PCDHA4: variants seen among roughly 807,000 people sequenced by gnomAD.
PCDHA4 encodes the protein protocadherin alpha 4.
Under a neutral mutation model 61.4 loss-of-function variants are expected in PCDHA4, and 49 were observed. That is an observed-to-expected ratio of 0.80 (90% CI 0.63 to 1.01). The LOEUF (loss-of-function observed/expected upper bound fraction) is 1.01. Ranked by LOEUF, PCDHA4 falls within the 50% of genes least tolerant of loss-of-function variation. PCDHA4 has a pLI of 0.00. For missense variants in PCDHA4, 1,254 were observed against 1,235.8 expected (o/e 1.01, Z -0.22); for synonymous variants, 590 against 550.3 (o/e 1.07, Z -1.01).
intron 1 of PCDHA4, chr5:140,829,518 C>T (rs782037599): frequency 1.9e-6 from 3 of 1,613,400 alleles, no homozygotes; most frequent in African/African-American, 2.7e-5. Flanking sequence ...CACATCTTCA[C>T]GGTGTCTGCG....
At chr5:140,963,517 T>C (rs2095769422) in intron 1 of PCDHA4, among the ~76,000 whole-genome samples, 1 of 152,238 alleles carries the variant, frequency 6.6e-6, no homozygotes, top group East Asian at 1.9e-4. Flanking sequence ...GGGGTTCTCA[T>C]AACAGAAGTC....
chr5:140,919,424 T>G (rs1222822099), intron 1 of PCDHA4, among the ~76,000 whole-genome samples: 7 of 152,218 alleles, frequency 4.6e-5, no homozygotes, highest in Non-Finnish European at 2.9e-5. Context: ...CAATTCTGCC[T>G]TTTGATTGGG....
At chr5:140,948,793 A>AT (rs1351130459) in intron 1 of PCDHA4, among the ~76,000 whole-genome samples, 1 of 150,328 alleles carries the variant, frequency 6.7e-6, no homozygotes, top group Non-Finnish European at 1.5e-5. Flanking sequence ...TTGTTGATAT[A>AT]TTTTCTATTG....
intron 1 of PCDHA4, chr5:140,884,452 C>G (rs1203873823): frequency 6.2e-7 from 1 of 1,613,664 alleles, no homozygotes; most frequent in African/African-American, 1.3e-5. Context: ...CACCGCCCAC[C>G]GAGGGCGCGT....
At chr5:140,967,681 G>A (rs367838143) in intron 1 of PCDHA4, 12 of 1,614,086 alleles carry the variant, frequency 7.4e-6, no homozygotes, top group Non-Finnish European at 9.3e-6. Flanking sequence ...ACCGGGAGAG[G>A]CAGCTCTTCA....
In PCDHA4 at chr5:141,000,054, A is replaced by G. The variant is rs189634054; in HGVS notation, c.2534-9573A>G. On this transcript the variant is annotated intron_variant, in intron 3 of 3. Coordinates refer to ENST00000530339, the MANE Select transcript of PCDHA4 (RefSeq NM_018907.4). ...CCAATCACACACACACCACTCTCCC[A>G]GCTGCTCTGTAGATCACAATGCTAG... Among the ~76,000 whole-genome samples the G allele has an allele frequency of 4.0e-3, 609 of 152,230 alleles. 3 individuals carry two copies. Among genetic ancestry groups the G allele is most frequent in the African/African-American group, 0.014 (564 of 41,556 alleles).
chr5:140,928,846 C>T, intron 1 of PCDHA4: 1 of 1,614,192 alleles, frequency 6.2e-7, no homozygotes, highest in Non-Finnish European at 8.5e-7. Context: ...CTCTGTCACT[C>T]TGGGTGTGCT....
intron 1 of PCDHA4, chr5:140,927,118 G>T (rs2083863389): frequency 6.2e-7 from 1 of 1,613,946 alleles, no homozygotes; most frequent in East Asian, 2.2e-5. Context: ...CGGCAATTTG[G>T]TGGTCAGAGA....
At chr5:140,880,496 A>G (rs965874952) in intron 1 of PCDHA4, among the ~76,000 whole-genome samples, 4 of 152,206 alleles carry the variant, frequency 2.6e-5, no homozygotes, top group African/African-American at 4.8e-5. Flanking sequence ...AGAGCAATTG[A>G]ATTTCTGTTT....
At chr5:140,992,517 G>C (rs78765218) in intron 3 of PCDHA4, among the ~76,000 whole-genome samples, 388 of 152,300 alleles carry the variant, frequency 2.5e-3, no homozygotes, top group African/African-American at 8.8e-3. Flanking sequence ...GGGCATGGTA[G>C]CTAATGGAAA....
intron 1 of PCDHA4, among the ~76,000 whole-genome samples, chr5:140,922,507 C>G (rs2080870221): frequency 1.3e-5 from 2 of 152,154 alleles, no homozygotes; most frequent in Non-Finnish European, 2.9e-5. Flanking sequence ...AGCAGATGCA[C>G]CATTATTTCA....
intron 1 of PCDHA4, chr5:140,882,142 G>T: frequency 1.3e-6 from 2 of 1,488,266 alleles, no homozygotes; most frequent in Non-Finnish European, 1.8e-6. Flanking sequence ...AGAAAATATA[G>T]CAGAAAGCGG....
intron 1 of PCDHA4, chr5:140,812,725 C>A (rs1158807394): frequency 2.6e-5 from 4 of 152,250 alleles, no homozygotes; most frequent in Admixed American, 6.5e-5. Flanking sequence ...TCCCAAAGCA[C>A]TGGGATTACA....
rs189936741 is a variant in PCDHA4, at chr5:140,928,492, C to T, written c.2386-50457C>T. The T allele has an allele frequency of 1.5e-5, 24 of 1,614,150 alleles. No individual in the cohort carries two copies. In the East Asian group the frequency reaches 5.3e-4, roughly 36 times the overall value. ...AGAAGGCCGGGATGGTGGCATTCCT[C>T]CCAGAAGTGCAACAGTGACTATAAA... On this transcript the variant is annotated intron_variant, in intron 1 of 3. Transcript: ENST00000530339.
At chr5:140,940,667 T>A (rs1167360120) in intron 1 of PCDHA4, among the ~76,000 whole-genome samples, 5 of 152,224 alleles carry the variant, frequency 3.3e-5, no homozygotes, top group African/African-American at 1.2e-4. Context: ...TAAATCTTCA[T>A]CTGATAATTC....
intron 1 of PCDHA4, chr5:140,811,993 T>A (rs1188366962): frequency 8.9e-6 from 1 of 112,226 alleles, no homozygotes; most frequent in Non-Finnish European, 1.8e-5. Context: ...GATTTATTTT[T>A]TACTACCATT....
At chr5:140,979,908 TAA>T (rs782196172) in intron 2 of PCDHA4, among the ~76,000 whole-genome samples, 3 of 152,250 alleles carry the variant, frequency 2.0e-5, no homozygotes, top group Non-Finnish European at 4.4e-5. Context: ...GATCAGTTCG[TAA>T]AGAGAAAGCC....
intron 1 of PCDHA4, chr5:140,927,566 A>G: frequency 6.2e-7 from 1 of 1,614,168 alleles, no homozygotes; most frequent in Non-Finnish European, 8.5e-7. Flanking sequence ...ATTGTGGTGG[A>G]CACAAATGAC....
At chr5:140,855,056 G>C (rs1045590902) in intron 1 of PCDHA4, among the ~76,000 whole-genome samples, 1 of 149,630 alleles carries the variant, frequency 6.7e-6, no homozygotes, top group Non-Finnish European at 1.5e-5. Flanking sequence ...GTACTTTTCT[G>C]TTTTCTTAAA....
Sources: allele counts gnomAD v4.1 joint callset (sites outside exome capture counted in the v4.1 genomes callset), GRCh38; gene constraint gnomAD v4.1.1; transcripts MANE v1.5; gene names NCBI Gene and HGNC (gene_info 2026-07-23, HGNC 2026-07-21).